Variants in KCMF1 observed in about 807,000 individuals in gnomAD.
KCMF1 encodes E3 ubiquitin-protein ligase KCMF1.
Under a neutral mutation model 41.1 loss-of-function variants are expected in KCMF1, and 3 were observed. The observed-to-expected ratio is 0.07, with a 90% CI of 0.03 to 0.19. The LOEUF (loss-of-function observed/expected upper bound fraction) is 0.19. KCMF1 is among the 10% of genes least tolerant of loss of function. KCMF1 has a pLI of 1.00. For synonymous variants in KCMF1, 142 were observed against 164.5 expected (o/e 0.86, Z 1.04); for missense variants, 286 against 488.9 (o/e 0.58, Z 3.91).
At chr2:84,993,099 A>G (rs895398317) in intron 1 of KCMF1, among the ~76,000 whole-genome samples, 4 of 151,982 alleles carry the variant, frequency 2.6e-5, no homozygotes, top group Non-Finnish European at 4.4e-5. Flanking sequence ...AGATGAAAGG[A>G]TCACCTGAGC....
At chr2:85,029,606 A>C (rs1231987167) in intron 2 of KCMF1, among the ~76,000 whole-genome samples, 3 of 152,022 alleles carry the variant, frequency 2.0e-5, no homozygotes, top group Non-Finnish European at 4.4e-5. Flanking sequence ...CTCAAAAAAA[A>C]AAAAAGGCAG....
At position 84,973,633 on chromosome 2, in the gene KCMF1, C is replaced by T. The variant is rs1195363523; in HGVS notation, c.16+2166C>T. On this transcript the variant is annotated intron_variant, in intron 1 of 6. Transcript: ENST00000409785. ...TAGCAGTCTCACGAATCACATTTAA[C>T]TCATTAGATACATATTTTGTGGAAT... is the stretch of plus-strand genomic sequence containing the variant. Among the ~76,000 whole-genome samples the T allele has an allele frequency of 2.6e-5, 4 of 152,216 alleles. No homozygotes were observed. In the East Asian group the frequency reaches 7.7e-4, roughly 29 times the overall value.
chr2:85,019,941 A>G (rs997276613), intron 1 of KCMF1, among the ~76,000 whole-genome samples: 2 of 152,050 alleles, frequency 1.3e-5, no homozygotes, highest in African/African-American at 4.8e-5. Context: ...TCAAAAATAG[A>G]TAGTAAATTT....
At chr2:85,024,510 CTT>C (rs1398339564) in intron 1 of KCMF1, among the ~76,000 whole-genome samples, 1 of 150,648 alleles carries the variant, frequency 6.6e-6, no homozygotes, top group Non-Finnish European at 1.5e-5. Context: ...AAGAAAAAGT[CTT>C]AACGTAGTTG....
chr2:84,971,505 C>T, intron 1 of KCMF1, 38 bp downstream of exon 1: 2 of 1,169,066 alleles, frequency 1.7e-6, no homozygotes, highest in Non-Finnish European at 2.2e-6. Flanking sequence ...ACCTCCCGGG[C>T]CTCGGCCTAC....
chr2:84,980,829 T>G (rs548953217), intron 1 of KCMF1, among the ~76,000 whole-genome samples: 7 of 152,022 alleles, frequency 4.6e-5, no homozygotes, highest in Admixed American at 2.6e-4. Flanking sequence ...TTTGTAGAGA[T>G]AGGGTCTCAT....
At chr2:85,000,667 T>C (rs546951499) in intron 1 of KCMF1, among the ~76,000 whole-genome samples, 62 of 152,296 alleles carry the variant, frequency 4.1e-4, no homozygotes, top group African/African-American at 1.5e-3. Context: ...AAAACAATAT[T>C]TGTGTAATAG....
At chr2:85,000,340 G>C (rs1674298029) in intron 1 of KCMF1, among the ~76,000 whole-genome samples, 1 of 152,090 alleles carries the variant, frequency 6.6e-6, no homozygotes, top group Admixed American at 6.5e-5. Context: ...AGCCAGGATG[G>C]TCTCGATCTC....
At chr2:85,025,052 T>A (rs1414280405) in intron 1 of KCMF1, among the ~76,000 whole-genome samples, 1 of 152,222 alleles carries the variant, frequency 6.6e-6, no homozygotes, top group Admixed American at 6.5e-5. Flanking sequence ...CTCATTTTTC[T>A]TGGGAGCATC....
At chr2:85,049,316 G>C (rs751514251) in intron 5 of KCMF1, 50 bp from the exon 6 acceptor site, 1 of 1,575,162 alleles carries the variant, frequency 6.3e-7, no homozygotes, top group East Asian at 2.3e-5. Flanking sequence ...GTAGCGTTTT[G>C]TTTTCCTCAG....
chr2:84,977,022 A>G (rs1397409638), intron 1 of KCMF1, among the ~76,000 whole-genome samples: 8 of 151,492 alleles, frequency 5.3e-5, no homozygotes, highest in South Asian at 2.1e-4. Flanking sequence ...CTCCTTTTTT[A>G]TAATTATTTT....
rs771506481 is a variant in KCMF1 at position 85,056,610 on chromosome 2, A to G, written c.*3201A>G. 2 of 152,258 alleles carry G rather than the reference A, an allele frequency of 1.3e-5. No homozygotes were observed. Among genetic ancestry groups the G allele is most frequent in the Non-Finnish European group, 2.9e-5 (2 of 68,078 alleles). 9.4% of individuals were successfully genotyped at this position (152,258 alleles called of 1,614,324 possible). On this transcript the variant is annotated 3_prime_UTR_variant, in exon 7 of 7. Coordinates refer to ENST00000409785, the MANE Select transcript of KCMF1 (RefSeq NM_020122.5). ...GTAGAAGGAGAATACTAGAGAGGTT[A>G]CGGTAGCAGGTGGCTGCAGAAAAGA...
intron 3 of KCMF1, among the ~76,000 whole-genome samples, chr2:85,038,364 A>G (rs1202286569): frequency 2.6e-5 from 4 of 152,200 alleles, no homozygotes; most frequent in Non-Finnish European, 5.9e-5. Flanking sequence ...GCCAAGGTGC[A>G]GGTAGCTACA....
At chr2:84,973,226 T>C (rs1474528205) in intron 1 of KCMF1, among the ~76,000 whole-genome samples, 1 of 152,198 alleles carries the variant, frequency 6.6e-6, no homozygotes, top group African/African-American at 2.4e-5. Context: ...AGCATACAGA[T>C]AGTTCCAGAC....
chr2:85,022,612 A>G (rs1674973682), intron 1 of KCMF1, among the ~76,000 whole-genome samples: 1 of 152,188 alleles, frequency 6.6e-6, no homozygotes, highest in Non-Finnish European at 1.5e-5. Context: ...GAAGGAAGGG[A>G]CTTTTAAAAA....
At chr2:85,020,904 T>G (rs919406956) in intron 1 of KCMF1, among the ~76,000 whole-genome samples, 3 of 152,040 alleles carry the variant, frequency 2.0e-5, no homozygotes, top group South Asian at 2.1e-4. Flanking sequence ...CAGGGTTTGC[T>G]CTGTCTCCAG....
chr2:85,033,515 T>TGG (rs1181615667), intron 2 of KCMF1, among the ~76,000 whole-genome samples: 1 of 152,154 alleles, frequency 6.6e-6, no homozygotes, highest in East Asian at 1.9e-4. Flanking sequence ...AGCTGTGTCA[T>TGG]AACATGGCAG....
chr2:85,051,456 C>T (rs1452023118), intron 6 of KCMF1, among the ~76,000 whole-genome samples: 1 of 137,142 alleles, frequency 7.3e-6, no homozygotes. Context: ...ACCCAAACTA[C>T]TCAGCTTGAT....
chr2:85,004,918 C>A (rs1011406528), intron 1 of KCMF1, among the ~76,000 whole-genome samples: 3 of 151,984 alleles, frequency 2.0e-5, no homozygotes, highest in African/African-American at 7.3e-5. Flanking sequence ...TCACTGCAAC[C>A]TCCGCCTCCC....
Sources: allele counts gnomAD v4.1 joint callset (sites outside exome capture counted in the v4.1 genomes callset), GRCh38; gene constraint gnomAD v4.1.1; transcripts MANE v1.5; gene names NCBI Gene and HGNC (gene_info 2026-07-23, HGNC 2026-07-21).